RTL4: variants seen among roughly 807,000 people sequenced by gnomAD.
RTL4 encodes retrotransposon Gag-like protein 4.
Under a neutral mutation model 5.3 loss-of-function variants are expected in RTL4, and 4 were observed. The ratio of observed to expected loss-of-function variants is 0.75; its 90% CI spans 0.37 to 1.72. The LOEUF (loss-of-function observed/expected upper bound fraction) is 1.72. Ranked by LOEUF, RTL4 falls within the 40% of genes most tolerant of loss-of-function variation. The pLI is 0.04. For synonymous variants in RTL4, 98 were observed against 87.3 expected (o/e 1.12, Z -0.68); for missense variants, 260 against 227.1 (o/e 1.14, Z -0.93).
the RTL4 span, among the ~76,000 whole-genome samples, chrX:112,157,124 A>G: frequency 1.8e-5 from 2 of 108,671 alleles, no homozygotes; most frequent in Non-Finnish European, 3.8e-5. Flanking sequence ...GCGATTTAAT[A>G]CCTGAAAAGA....
At chrX:112,097,100 C>T in the RTL4 span, among the ~76,000 whole-genome samples, 1 of 111,426 alleles carries the variant, frequency 9.0e-6, no homozygotes, top group Non-Finnish European at 1.9e-5. Context: ...AACCTTAACC[C>T]CACCCTCACA....
chrX:112,262,090 C>G, the RTL4 span, among the ~76,000 whole-genome samples: 186 of 111,784 alleles, frequency 1.7e-3, no homozygotes, highest in African/African-American at 5.7e-3. Flanking sequence ...CATAAAAACC[C>G]TAGAAGAAAA....
the RTL4 span, among the ~76,000 whole-genome samples, chrX:112,120,573 G>C: frequency 9.5e-6 from 1 of 105,491 alleles, no homozygotes; most frequent in African/African-American, 3.6e-5. Flanking sequence ...CACCACGCCC[G>C]GCTGGGGTTT....
At chrX:112,282,966 CTT>C in the RTL4 span, among the ~76,000 whole-genome samples, 3 of 111,003 alleles carry the variant, frequency 2.7e-5, no homozygotes, top group Non-Finnish European at 3.8e-5. Context: ...GGAATAATAA[CTT>C]TGTTGGGGTC....
the RTL4 span, among the ~76,000 whole-genome samples, chrX:112,233,722 TA>T: frequency 9.0e-6 from 1 of 111,414 alleles, no homozygotes; most frequent in Middle Eastern, 4.6e-3. Context: ...TAGTGTTTGT[TA>T]TGCTTTGTCC....
the RTL4 span, among the ~76,000 whole-genome samples, chrX:112,436,336 TG>T: frequency 9.0e-6 from 1 of 111,133 alleles, no homozygotes; most frequent in Non-Finnish European, 1.9e-5. Flanking sequence ...TGGAGTTGAA[TG>T]GGTAGGATGG....
At chrX:112,443,052 C>G in the RTL4 span, among the ~76,000 whole-genome samples, 6 of 111,780 alleles carry the variant, frequency 5.4e-5, no homozygotes, top group African/African-American at 1.3e-4. Flanking sequence ...TTACCATCCT[C>G]ACCTCCACCA....
the RTL4 span, among the ~76,000 whole-genome samples, chrX:112,143,507 G>T: frequency 0.044 from 4,949 of 111,320 alleles, 98 homozygotes; most frequent in African/African-American, 0.063. Context: ...TCCCAATTAG[G>T]ATACAGTCAT....
chrX:112,120,607 A>T, the RTL4 span, among the ~76,000 whole-genome samples: 2 of 103,223 alleles, frequency 1.9e-5, no homozygotes, highest in African/African-American at 7.5e-5. Context: ...AGCACTTGGA[A>T]GATCATAAGC....
At chrX:112,363,692 C>T in the RTL4 span, among the ~76,000 whole-genome samples, 1 of 111,470 alleles carries the variant, frequency 9.0e-6, no homozygotes, top group African/African-American at 3.3e-5. Flanking sequence ...AAGATGCTCC[C>T]ATTTTTGCTG....
the RTL4 span, among the ~76,000 whole-genome samples, chrX:112,116,442 A>G: frequency 9.0e-6 from 1 of 111,054 alleles, no homozygotes; most frequent in Non-Finnish European, 1.9e-5. Context: ...ACAGCGTGGA[A>G]GGGGACCCAA....
At chrX:112,378,282 G>A in the RTL4 span, among the ~76,000 whole-genome samples, 1 of 111,379 alleles carries the variant, frequency 9.0e-6, no homozygotes, top group African/African-American at 3.3e-5. Flanking sequence ...AATTCAGTAT[G>A]GGGATGTAAG....
the RTL4 span, among the ~76,000 whole-genome samples, chrX:112,198,888 C>T: frequency 1.8e-5 from 2 of 111,154 alleles, no homozygotes; most frequent in African/African-American, 3.3e-5. Context: ...GGGCTAGGTA[C>T]TGTTCTTTGT....
chrX:112,257,902 TAC>T, the RTL4 span, among the ~76,000 whole-genome samples: 1 of 106,435 alleles, frequency 9.4e-6, no homozygotes, highest in African/African-American at 3.4e-5. Flanking sequence ...TATATATATA[TAC>T]ACATATATAT....
At chrX:112,110,601 G>A in the RTL4 span, among the ~76,000 whole-genome samples, 1 of 111,803 alleles carries the variant, frequency 8.9e-6, no homozygotes. Flanking sequence ...TACCTTGTAA[G>A]TTTGGGATTT....
chrX:112,308,391 C>CTAACAATATTTA, the RTL4 span, among the ~76,000 whole-genome samples: 1 of 111,548 alleles, frequency 9.0e-6, no homozygotes, highest in East Asian at 2.8e-4. Flanking sequence ...AAACACATGG[C>CTAACAATATTTA]TAACAATATT....
the RTL4 span, among the ~76,000 whole-genome samples, chrX:112,112,696 G>A: frequency 8.9e-6 from 1 of 111,806 alleles, no homozygotes; most frequent in Admixed American, 9.5e-5. Context: ...ACATACTGAA[G>A]GACTAGAGTG....
the RTL4 span, among the ~76,000 whole-genome samples, chrX:112,097,710 T>G: frequency 6.3e-5 from 7 of 111,550 alleles, no homozygotes; most frequent in Admixed American, 1.9e-4. Context: ...GAAAATGCAC[T>G]TTTTAAATAC....
the RTL4 span, among the ~76,000 whole-genome samples, chrX:112,418,550 T>TTC: frequency 1.8e-5 from 2 of 111,705 alleles, no homozygotes; most frequent in African/African-American, 3.3e-5. Context: ...ATGTTAGGTA[T>TTC]TATTGATTAC....
Sources: allele counts gnomAD v4.1 joint callset (sites outside exome capture counted in the v4.1 genomes callset), GRCh38; gene constraint gnomAD v4.1.1; transcripts MANE v1.5; gene names NCBI Gene and HGNC (gene_info 2026-07-23, HGNC 2026-07-21).